Variants in GPC5 observed in about 807,000 individuals in gnomAD.
GPC5 encodes glypican 5.
GPC5 carries 47 observed loss-of-function variants against 53.9 expected under a neutral mutation model. The observed-to-expected ratio is 0.87, with a 90% CI of 0.69 to 1.11. The LOEUF is 1.11. Ranked by LOEUF, GPC5 falls within the 50% of genes most tolerant of loss-of-function variation. The probability of loss-of-function intolerance (pLI) is 0.00; values close to 1 mark genes in which losing one functional copy is unlikely to be tolerated. For missense variants in GPC5, 748 were observed against 713.1 expected (o/e 1.05, Z -0.56); for synonymous variants, 286 against 263.3 (o/e 1.09, Z -0.84).
chr13:91,530,684 A>G (rs1886302202), intron 2 of GPC5, among the ~76,000 whole-genome samples: 1 of 152,240 alleles, frequency 6.6e-6, no homozygotes, highest in African/African-American at 2.4e-5. Context: ...TTAATTTATT[A>G]TAACCCAAAG....
chr13:92,802,594 C>G (rs995598885), intron 7 of GPC5, among the ~76,000 whole-genome samples: 1 of 151,766 alleles, frequency 6.6e-6, no homozygotes, highest in South Asian at 2.1e-4. Context: ...GTGGCACATA[C>G]ACACCATGGA....
intron 7 of GPC5, among the ~76,000 whole-genome samples, chr13:92,457,368 T>C (rs1292267389): frequency 1.3e-5 from 2 of 152,054 alleles, no homozygotes; most frequent in Non-Finnish European, 2.9e-5. Context: ...CATGTAAAAA[T>C]GTTTAGCATT....
chr13:92,534,265 G>GT (rs1301767648), intron 7 of GPC5, among the ~76,000 whole-genome samples: 1 of 152,112 alleles, frequency 6.6e-6, no homozygotes, highest in African/African-American at 2.4e-5. Flanking sequence ...GGGTGACAGA[G>GT]TGCAACTCTG....
At chr13:92,814,588 G>A (rs962850062) in intron 7 of GPC5, among the ~76,000 whole-genome samples, 1 of 151,142 alleles carries the variant, frequency 6.6e-6, no homozygotes, top group African/African-American at 2.4e-5. Context: ...TTTAACCTGG[G>A]AGCCAGAGGC....
chr13:91,796,896 A>G (rs555463964), intron 5 of GPC5, among the ~76,000 whole-genome samples: 1 of 152,080 alleles, frequency 6.6e-6, no homozygotes, highest in Non-Finnish European at 1.5e-5. Flanking sequence ...TTTCTTTTGC[A>G]AGGGTGTATT....
chr13:92,530,407 A>G lies in GPC5; in HGVS notation c.1562-335875A>G, dbSNP rs547370309. On this transcript the variant is annotated intron_variant, in intron 7 of 7. Transcript: ENST00000377067. ...CTAAAGCCTCAGAGTTCCCCACTGTATTTTGTCAGTGCAGCCAGTGGAGGC... is the reference window on the plus strand; with the variant it reads ...CTAAAGCCTCAGAGTTCCCCACTGTGTTTTGTCAGTGCAGCCAGTGGAGGC... Among the ~76,000 whole-genome samples the G allele has an allele frequency of 3.4e-5, 5 of 147,392 alleles. No individual in the cohort carries two copies. The East Asian group carries it at 7.9e-4, about 23-fold the overall frequency.
intron 7 of GPC5, among the ~76,000 whole-genome samples, chr13:92,275,657 C>T (rs560952703): frequency 6.6e-6 from 1 of 151,974 alleles, no homozygotes; most frequent in South Asian, 2.1e-4. Context: ...GAAGAAGGGC[C>T]AAACCAAGCT....
At chr13:91,929,785 A>T (rs1482262124) in intron 6 of GPC5, among the ~76,000 whole-genome samples, 1 of 148,184 alleles carries the variant, frequency 6.7e-6, no homozygotes, top group Non-Finnish European at 1.5e-5. Flanking sequence ...ATTATCATAG[A>T]TTTCCTTTTT....
At position 92,856,836 on chromosome 13, in the gene GPC5, A is replaced by C. The variant is rs2138850787; in HGVS notation, c.1562-9446A>C. On this transcript the variant is annotated intron_variant, in intron 7 of 7. Coordinates refer to ENST00000377067, the MANE Select transcript of GPC5 (RefSeq NM_004466.6). ...ACTTATGAAAGAAATTGCAGATGAC[A>C]CAAAGGGGGAAACATTCCACACTCA... Among the ~76,000 whole-genome samples the C allele has an allele frequency of 2.0e-5, 3 of 152,284 alleles. No individual in the cohort carries two copies. In the East Asian group the frequency reaches 5.8e-4, roughly 29 times the overall value.
intron 7 of GPC5, among the ~76,000 whole-genome samples, chr13:92,410,476 G>A (rs1169833359): frequency 2.0e-5 from 3 of 152,132 alleles, no homozygotes; most frequent in Non-Finnish European, 4.4e-5. Context: ...CTACCAGAAA[G>A]GGAACTAGAT....
At chr13:91,594,290 G>T (rs2032912125) in intron 2 of GPC5, among the ~76,000 whole-genome samples, 1 of 152,186 alleles carries the variant, frequency 6.6e-6, no homozygotes, top group Non-Finnish European at 1.5e-5. Flanking sequence ...GCCTTCGAAG[G>T]CCTTTGGTAG....
intron 6 of GPC5, among the ~76,000 whole-genome samples, chr13:92,073,048 G>A (rs1173195259): frequency 6.6e-6 from 1 of 151,906 alleles, no homozygotes; most frequent in Non-Finnish European, 1.5e-5. Flanking sequence ...TCTTTTTCAT[G>A]ACTGTATTTC....
intron 7 of GPC5, among the ~76,000 whole-genome samples, chr13:92,593,344 C>A (rs751315631): frequency 3.3e-5 from 5 of 150,834 alleles, no homozygotes; most frequent in Non-Finnish European, 7.4e-5. Context: ...TGATGAGATG[C>A]GTATGTAAAT....
intron 7 of GPC5, among the ~76,000 whole-genome samples, chr13:92,351,587 A>G (rs190361104): frequency 1.9e-4 from 29 of 152,110 alleles, no homozygotes; most frequent in African/African-American, 6.5e-4. Context: ...TGTTATTTAC[A>G]TACAAAACAA....
At chr13:92,620,629 C>G (rs1177048636) in intron 7 of GPC5, among the ~76,000 whole-genome samples, 1 of 152,122 alleles carries the variant, frequency 6.6e-6, no homozygotes, top group Admixed American at 6.5e-5. Flanking sequence ...AGCAAAGCAG[C>G]TGAAACTGAT....
At chr13:91,434,555 G>A (rs560196026) in intron 1 of GPC5, among the ~76,000 whole-genome samples, 45 of 152,148 alleles carry the variant, frequency 3.0e-4, no homozygotes, top group African/African-American at 9.9e-4. Flanking sequence ...TGTTCCATTG[G>A]TCTATATCTC....
intron 7 of GPC5, among the ~76,000 whole-genome samples, chr13:92,312,577 C>T (rs1484053693): frequency 6.6e-6 from 1 of 152,114 alleles, no homozygotes; most frequent in African/African-American, 2.4e-5. Context: ...ATATTTTACA[C>T]TGGATATTGA....
chr13:92,508,007 A>G (rs371506187), intron 7 of GPC5, among the ~76,000 whole-genome samples: 2 of 152,148 alleles, frequency 1.3e-5, no homozygotes, highest in Admixed American at 6.6e-5. Context: ...CTCTGTTGCC[A>G]GGCTGGAGTG....
intron 7 of GPC5, among the ~76,000 whole-genome samples, chr13:92,614,437 C>T (rs533090053): frequency 6.6e-6 from 1 of 152,210 alleles, no homozygotes; most frequent in South Asian, 2.1e-4. Context: ...ATTTTAAGTC[C>T]AGATGCTCCT....
Sources: allele counts gnomAD v4.1 joint callset (sites outside exome capture counted in the v4.1 genomes callset), GRCh38; gene constraint gnomAD v4.1.1; transcripts MANE v1.5; gene names NCBI Gene and HGNC (gene_info 2026-07-23, HGNC 2026-07-21).